The following OR1J2 variants were observed in gnomAD, a reference collection of about 807,000 sequenced individuals.
OR1J2 encodes olfactory receptor family 1 subfamily J member 2.
For missense variants in OR1J2, 304 were observed against 246.1 expected (o/e 1.24, Z -1.57); for synonymous variants, 142 against 99.7 (o/e 1.42, Z -2.52).
At chr9:122,461,581 G>A in the OR1J2 span, among the ~76,000 whole-genome samples, 1 of 151,986 alleles carries the variant, frequency 6.6e-6, no homozygotes, top group Non-Finnish European at 1.5e-5. Flanking sequence ...TTTTGTCACT[G>A]CTTTGCTGTT....
At chr9:122,464,745 C>T in the OR1J2 span, among the ~76,000 whole-genome samples, 1 of 152,162 alleles carries the variant, frequency 6.6e-6, no homozygotes, top group Non-Finnish European at 1.5e-5. Context: ...CTTTCTTCTG[C>T]CCAGGTAAAT....
the OR1J2 span, among the ~76,000 whole-genome samples, chr9:122,579,043 A>T: frequency 5.9e-5 from 9 of 152,162 alleles, no homozygotes. Flanking sequence ...GAAATTAAAA[A>T]AAAATAGAAA....
At chr9:122,490,527 T>G in the OR1J2 span, among the ~76,000 whole-genome samples, 8 of 152,230 alleles carry the variant, frequency 5.3e-5, 1 homozygote, top group South Asian at 1.5e-3. Context: ...GCAAGTAGGC[T>G]TGTAGAAAGT....
chr9:122,490,298 C>T, the OR1J2 span, among the ~76,000 whole-genome samples: 2 of 152,138 alleles, frequency 1.3e-5, no homozygotes, highest in Non-Finnish European at 2.9e-5. Context: ...TCCCCAAATG[C>T]ATCTCCCCAT....
At chr9:122,504,310 G>A in the OR1J2 span, among the ~76,000 whole-genome samples, 2 of 152,276 alleles carry the variant, frequency 1.3e-5, no homozygotes, top group South Asian at 4.1e-4. Context: ...TCCATATAAT[G>A]CCACTATCTA....
chr9:122,547,657 G>GTGTGTA, the OR1J2 span, among the ~76,000 whole-genome samples: 1 of 147,812 alleles, frequency 6.8e-6, no homozygotes, highest in African/African-American at 2.5e-5. Context: ...GTGTGTGTGT[G>GTGTGTA]TACATACACA....
the OR1J2 span, among the ~76,000 whole-genome samples, chr9:122,486,300 T>A: frequency 1.1e-4 from 16 of 152,164 alleles, no homozygotes. Flanking sequence ...AGGAGAACAC[T>A]GGGATTCAGT....
At chr9:122,475,036 A>G in the OR1J2 span, 1 of 151,924 alleles carries the variant, frequency 6.6e-6, no homozygotes, top group Non-Finnish European at 1.5e-5. Flanking sequence ...TCCTGAATAA[A>G]CTCAACATAT....
chr9:122,451,355 T>C, the OR1J2 span, among the ~76,000 whole-genome samples: 2 of 151,912 alleles, frequency 1.3e-5, no homozygotes, highest in Non-Finnish European at 2.9e-5. Context: ...CCAGCTAATT[T>C]TGTATTTTTA....
At chr9:122,574,830 T>G in the OR1J2 span, among the ~76,000 whole-genome samples, 1 of 152,094 alleles carries the variant, frequency 6.6e-6, no homozygotes, top group African/African-American at 2.4e-5. Flanking sequence ...TAGGATTTTT[T>G]TGGGGGTAGT....
chr9:122,534,711 C>T, the OR1J2 span, among the ~76,000 whole-genome samples: 1 of 151,938 alleles, frequency 6.6e-6, no homozygotes, highest in Non-Finnish European at 1.5e-5. Context: ...ATTAGAAGGA[C>T]TCAGCGATGC....
At chr9:122,519,061 T>C in the OR1J2 span, 109 of 949,550 alleles carry the variant, frequency 1.1e-4, no homozygotes, top group East Asian at 2.4e-3. Context: ...CTTATTCTTA[T>C]CTGCTGCTGT....
At chr9:122,568,387 GA>G in the OR1J2 span, 1 of 1,613,736 alleles carries the variant, frequency 6.2e-7, no homozygotes, top group Non-Finnish European at 8.5e-7. Context: ...ATGAGGAAGA[GA>G]ACAAAGAGTG....
At chr9:122,463,317 T>G in the OR1J2 span, among the ~76,000 whole-genome samples, 1 of 152,324 alleles carries the variant, frequency 6.6e-6, no homozygotes, top group African/African-American at 2.4e-5. Flanking sequence ...CTAGAGATTT[T>G]TCCATTCATA....
chr9:122,576,708 C>T, the OR1J2 span: 1 of 152,324 alleles, frequency 6.6e-6, no homozygotes, highest in African/African-American at 2.4e-5. Context: ...TTTTAACTCT[C>T]AGACTTGTCT....
chr9:122,448,223 C>T, the OR1J2 span, among the ~76,000 whole-genome samples: 1 of 152,094 alleles, frequency 6.6e-6, no homozygotes, highest in Non-Finnish European at 1.5e-5. Context: ...CAAATAAATT[C>T]AAGGGAAGGT....
chr9:122,558,653 G>T, the OR1J2 span, among the ~76,000 whole-genome samples: 1 of 150,936 alleles, frequency 6.6e-6, no homozygotes, highest in African/African-American at 2.4e-5. Context: ...TATTAGGTTT[G>T]CCATTACCAA....
the OR1J2 span, among the ~76,000 whole-genome samples, chr9:122,484,939 T>TGGGA: frequency 6.6e-6 from 1 of 151,756 alleles, no homozygotes; most frequent in African/African-American, 2.4e-5. Flanking sequence ...GAGGCTGAGG[T>TGGGA]GGGAGGGTCG....
the OR1J2 span, among the ~76,000 whole-genome samples, chr9:122,453,831 C>CCAGCATAAAA: frequency 8.5e-5 from 13 of 152,184 alleles, no homozygotes; most frequent in Non-Finnish European, 1.2e-4. Flanking sequence ...TCCCTCATAC[C>CCAGCATAAAA]CAGGTATTTG....
Sources: gnomAD v4.1 joint callset for allele counts (sites outside exome capture counted in the v4.1 genomes callset) on GRCh38, gnomAD v4.1.1 for gene constraint, MANE v1.5 for transcripts, NCBI Gene and HGNC (gene_info 2026-07-23, HGNC 2026-07-21) for gene names.